OTUD4: variants seen among roughly 807,000 people sequenced by gnomAD.
OTUD4 encodes OTU deubiquitinase 4.
In OTUD4, 24 loss-of-function variants were observed where a neutral mutation model predicts 130.4. The observed-to-expected ratio is 0.18, with a 90% CI of 0.13 to 0.26. The LOEUF (loss-of-function observed/expected upper bound fraction) is 0.26, where lower values mean the gene tolerates loss of function less well. OTUD4 is among the 10% of genes least tolerant of loss of function. The pLI is 1.00. For missense variants in OTUD4, 1,031 were observed against 1,329.4 expected (o/e 0.78, Z 3.49); for synonymous variants, 420 against 472.5 (o/e 0.89, Z 1.44).
At position 145,141,579 on chromosome 4, in the gene OTUD4, G is replaced by A. The variant is rs1750567909; in HGVS notation, c.1883C>T (p.Ser628Leu). The A allele has an allele frequency of 6.3e-7, 1 of 1,599,690 alleles. No homozygotes were observed. Among genetic ancestry groups the A allele is most frequent in the Non-Finnish European group, 8.5e-7 (1 of 1,171,980 alleles). Residue 628 changes from serine (S) to leucine (L), a missense_variant, in exon 19 of 21, where the codon TCA becomes TTA. Around this residue, in one of 3 missense-constraint regions of OTUD4, gnomAD observed 900 missense variants for 1,095.9 expected, o/e 0.82. Transcript: ENST00000447906. Reference sequence around the variant, plus strand: ...TGTTAAATGAGCTTGGGATACAGCTGAATCAGGTCCAGTGGTCAAAGTCTG... The same window carrying A: ...TGTTAAATGAGCTTGGGATACAGCTAAATCAGGTCCAGTGGTCAAAGTCTG... The part of the protein sequence containing the change: ...VTQTLTTGPD[S>L]AVSQAHLTPS...
At chr4:145,148,221 C>T (rs1218557148) in intron 13 of OTUD4, among the ~76,000 whole-genome samples, 1 of 152,126 alleles carries the variant, frequency 6.6e-6, no homozygotes, top group Non-Finnish European at 1.5e-5. Flanking sequence ...GATTAGAGGC[C>T]GGGTGCGGTG....
chr4:145,179,727 C>T (rs959233937), intron 1 of OTUD4, 88 bp downstream of exon 1: 1 of 1,434,560 alleles, frequency 7.0e-7, no homozygotes, highest in Non-Finnish European at 9.1e-7. Flanking sequence ...CCGTGGGCGG[C>T]CCGGACAGCC....
At chr4:145,158,418 C>A (rs942183401) in intron 7 of OTUD4, among the ~76,000 whole-genome samples, 1 of 151,596 alleles carries the variant, frequency 6.6e-6, no homozygotes, top group African/African-American at 2.4e-5. Flanking sequence ...GAAGGCAGAG[C>A]TTGCAGTAAG....
intron 10 of OTUD4, among the ~76,000 whole-genome samples, chr4:145,153,237 C>T (rs987112321): frequency 4.6e-5 from 7 of 152,118 alleles, no homozygotes; most frequent in African/African-American, 1.7e-4. Context: ...AAAGTAGGAG[C>T]ACAATATGTT....
chr4:145,150,467 G>A (rs1381700393), intron 13 of OTUD4, 46 bp downstream of exon 13: 5 of 1,304,252 alleles, frequency 3.8e-6, no homozygotes, highest in Admixed American at 1.8e-5. Context: ...TATAACAAAT[G>A]CCTCTTACTT....
At chr4:145,166,933 C>A (rs930268911) in intron 3 of OTUD4, among the ~76,000 whole-genome samples, 7 of 152,160 alleles carry the variant, frequency 4.6e-5, no homozygotes, top group African/African-American at 9.7e-5. Flanking sequence ...CTAGAAAAAT[C>A]ACTCAAGATT....
intron 6 of OTUD4, 72 bp downstream of exon 6, chr4:145,162,556 AAAAACAAAAAAC>A (rs940058132): frequency 6.8e-5 from 50 of 738,216 alleles, no homozygotes; most frequent in East Asian, 5.6e-4. Flanking sequence ...CGTCTCAAAA[AAAAACAAAAAAC>A]AAAACAAAAA....
intron 13 of OTUD4, among the ~76,000 whole-genome samples, chr4:145,147,187 A>C (rs1175987169): frequency 6.6e-6 from 1 of 152,208 alleles, no homozygotes; most frequent in Non-Finnish European, 1.5e-5. Context: ...CCTCTAAAAA[A>C]AATACTTTGT....
At chr4:145,174,767 A>G (rs764572363) in intron 1 of OTUD4, 23 bp from the exon 2 acceptor site, 2 of 1,400,456 alleles carry the variant, frequency 1.4e-6, no homozygotes, top group Non-Finnish European at 2.0e-6. Flanking sequence ...GGCAACAAAC[A>G]CACTATTAAG....
intron 13 of OTUD4, among the ~76,000 whole-genome samples, chr4:145,146,738 C>T (rs934174278): frequency 1.3e-5 from 2 of 152,014 alleles, no homozygotes; most frequent in African/African-American, 4.8e-5. Context: ...CCAAATGATA[C>T]AAAAATGAGT....
intron 7 of OTUD4, among the ~76,000 whole-genome samples, chr4:145,157,317 G>T (rs1378674004): frequency 1.3e-5 from 2 of 152,192 alleles, no homozygotes; most frequent in African/African-American, 2.4e-5. Context: ...TCAAGGGCAA[G>T]ACCAGGTGGA....
At chr4:145,174,170 C>T (rs574758892) in intron 2 of OTUD4, among the ~76,000 whole-genome samples, 1 of 152,250 alleles carries the variant, frequency 6.6e-6, no homozygotes, top group South Asian at 2.1e-4. Context: ...CATGCCACTA[C>T]TTTTAGTAGA....
At chr4:145,166,312 C>T (rs1343934631) in intron 3 of OTUD4, among the ~76,000 whole-genome samples, 1 of 152,178 alleles carries the variant, frequency 6.6e-6, no homozygotes, top group African/African-American at 2.4e-5. Flanking sequence ...AGAAATTCTA[C>T]ACTCCTTAGA....
intron 2 of OTUD4, among the ~76,000 whole-genome samples, chr4:145,172,668 C>A (rs186466802): frequency 5.9e-5 from 9 of 152,232 alleles, no homozygotes; most frequent in Admixed American, 5.9e-4. Flanking sequence ...TCTATAAAAT[C>A]TTTTAAGCAC....
intron 3 of OTUD4, chr4:145,171,214 T>C (rs954899152): frequency 6.5e-6 from 1 of 154,702 alleles, no homozygotes; most frequent in Admixed American, 6.5e-5. Context: ...ACGCCTGTAG[T>C]CCCAGATACT....
chr4:145,173,316 C>A (rs1414599171), intron 2 of OTUD4, among the ~76,000 whole-genome samples: 1 of 152,076 alleles, frequency 6.6e-6, no homozygotes, highest in Non-Finnish European at 1.5e-5. Context: ...ATGGCATGAA[C>A]CCGGGAGGCG....
intron 2 of OTUD4, among the ~76,000 whole-genome samples, 157 bp from the exon 3 acceptor site, chr4:145,171,877 A>C (rs1752186322): frequency 6.6e-6 from 1 of 152,268 alleles, no homozygotes; most frequent in Non-Finnish European, 1.5e-5. Flanking sequence ...CTAATTATGA[A>C]AACATATAGC....
At chr4:145,168,288 G>T (rs1455292900) in intron 3 of OTUD4, among the ~76,000 whole-genome samples, 1 of 151,642 alleles carries the variant, frequency 6.6e-6, no homozygotes, top group African/African-American at 2.4e-5. Context: ...GCTGAGGCAG[G>T]GGAATCACTT....
chr4:145,146,508 A>C lies in OTUD4; in HGVS notation c.1260-79T>G, dbSNP rs1487474997. 3.2e-6 allele frequency: 3 copies of C among 950,824 alleles called. No homozygotes were observed. In the African/African-American group the frequency reaches 5.3e-5, roughly 17 times the overall value. The allele number at this position is 950,824 out of a possible 1,614,324, so 58.9% of individuals were successfully genotyped here. A position where few individuals can be genotyped will look rare whatever the true frequency, so the allele number is the denominator to read the frequency against. ...TAAATAAAACATTCTTGTCAAAAAA[A>C]AAAAACACAAAACTGTACTGAGTAC... is the stretch of plus-strand genomic sequence containing the variant. On this transcript the variant is annotated intron_variant, in intron 13 of 20. Coordinates refer to ENST00000447906, the MANE Select transcript of OTUD4 (RefSeq NM_001366057.1).
Sources: gnomAD v4.1 joint callset for allele counts (sites outside exome capture counted in the v4.1 genomes callset) on GRCh38, gnomAD v4.1.1 for gene constraint, gnomAD v4.1.1 regional missense constraint, MANE v1.5 for transcripts, NCBI Gene and HGNC (gene_info 2026-07-23, HGNC 2026-07-21) for gene names.